Variants in CYGB observed in about 807,000 individuals in gnomAD.
The protein encoded by CYGB is histoglobin.
In CYGB, 13 loss-of-function variants were observed where a neutral mutation model predicts 20.7. The ratio of observed to expected loss-of-function variants is 0.63; its 90% confidence interval spans 0.41 to 1.00. The LOEUF is 1.00. CYGB is among the 50% of genes least tolerant of loss of function. CYGB has a pLI of 0.00. For missense variants in CYGB, 218 were observed against 257.2 expected, an observed-to-expected ratio of 0.85 and a Z score of 1.04; for synonymous variants, 93 against 107.4, an observed-to-expected ratio of 0.87 and a Z score of 0.83.
rs1018567320 is a variant in CYGB, at chr17:76,528,911, G to A, written c.540-300C>T. The A allele has an allele frequency of 1.8e-5, 21 of 1,185,950 alleles. No homozygotes were observed. Among genetic ancestry groups the A allele is most frequent in the East Asian group, 1.1e-4 (3 of 27,312 alleles). 73.5% of individuals were successfully genotyped at this position (1,185,950 alleles called of 1,614,324 possible). ...AAGTGTTTCACAAACTGCAAAGCAC[G>A]ATACCAATGTGAGCTCTTTTTCCAT... is the stretch of plus-strand genomic sequence containing the variant. On this transcript the variant is annotated intron_variant, in intron 3 of 3. Coordinates refer to ENST00000293230, the MANE Select transcript of CYGB (RefSeq NM_134268.5). The surrounding 1 kb of genome is among the most constrained non-coding windows in gnomAD (Gnocchi z 5.8).
Position 76,534,146 on chromosome 17 carries a change from TTCTCTCTCTCTC to T in CYGB, c.144-2467_144-2456del, listed in dbSNP as rs71158013. The stretch of plus-strand genomic sequence containing the variant: ...TCTTTCTTTCTCTCTCTCTTTCTCT[TTCTCTCTCTCTC>T]TCTCTCTCTCTCTCTCTCTTTCTTT... On this transcript the variant is annotated intron_variant, in intron 1 of 3. Coordinates refer to ENST00000293230, the MANE Select transcript of CYGB (RefSeq NM_134268.5). 3.9e-3 allele frequency among the ~76,000 whole-genome samples: 498 copies of T among 129,016 alleles called. 1 individual carries two copies. Among genetic ancestry groups the T allele is most frequent in the African/African-American group, 0.012 (428 of 36,884 alleles). 84.6% of individuals were successfully genotyped at this position (129,016 alleles called of 152,430 possible).
chr17:76,540,753 G>A (rs1435885845), upstream of CYGB, among the ~76,000 whole-genome samples: 1 of 152,240 alleles, frequency 6.6e-6, no homozygotes, highest in East Asian at 1.9e-4. This position sits in a 1 kb window ranked among gnomAD's most constrained non-coding sequence, Gnocchi z 5.0. Context: ...GTTTTCTGCG[G>A]TTGGGAATGG....
At position 76,549,026 on chromosome 17, in the gene CYGB, C is replaced by A. The variant is rs188123821; in HGVS notation, c.-53+1836G>T. 5.9e-5 allele frequency among the ~76,000 whole-genome samples: 9 copies of A among 152,260 alleles called. No homozygotes were observed. The East Asian group carries it at 1.7e-3, about 29-fold the overall frequency. The stretch of plus-strand genomic sequence containing the variant: ...GATTCATAAGGATATACACACAGAT[C>A]AATGGAATCCAAAAACAGATGCAGA... On this transcript the variant is annotated intron_variant, in intron 1 of 3. Transcript: ENST00000589145.
upstream of CYGB, chr17:76,540,099 C>T (rs763381044): frequency 6.4e-7 from 1 of 1,573,166 alleles, no homozygotes; most frequent in South Asian, 1.2e-5. The surrounding 1 kb of genome is among the most constrained non-coding windows in gnomAD (Gnocchi z 5.0). Flanking sequence ...TCGCCTGTGG[C>T]CTTCTGCAGA....
chr17:76,537,438 A>C lies in CYGB; in HGVS notation c.105T>G (p.Tyr35Ter). ...CCACCCCCACGTCCTCGCAGTTGGC[A>C]TAGAGCCGGGCCCACATAGCCTGCA... ...KAVQAMWARL[Y>*]ANCEDVGVAI... is the part of the protein sequence containing the mutation. Residue 35 changes from tyrosine to a stop codon, truncating the protein, a stop_gained, in exon 1 of 4, where the codon TAT (tyrosine) becomes TAG (stop). Transcript: ENST00000293230. LOFTEE classifies it high-confidence loss of function. The C allele has an allele frequency of 6.3e-7, 1 of 1,598,812 alleles. No homozygotes were observed. Among genetic ancestry groups the C allele is most frequent in the Admixed American group, 1.7e-5 (1 of 59,118 alleles).
At position 76,530,907 on chromosome 17, in the gene CYGB, T is replaced by C. The variant is rs1323710479; in HGVS notation, c.539+72A>G. ...TGATCAGCCCCAGGGCCTCAGGAGA[T>C]ATGGGAGACCTCGGGGACAGCAGAG... On this transcript the variant is annotated intron_variant, in intron 3 of 3. Coordinates refer to ENST00000293230, the MANE Select transcript of CYGB (RefSeq NM_134268.5). The surrounding 1 kb of genome is among the most constrained non-coding windows in gnomAD (Gnocchi z 6.1). 5 of 1,470,450 alleles carry C rather than the reference T, an allele frequency of 3.4e-6. No individual in the cohort carries two copies. The highest frequency in any genetic ancestry group is 4.5e-6 in the Non-Finnish European group (5 of 1,098,984). 91.1% of individuals were successfully genotyped at this position (1,470,450 alleles called of 1,614,324 possible). A position where few individuals can be genotyped will look rare whatever the true frequency, so the allele number is the denominator to read the frequency against.
chr17:76,534,585 C>T (rs955621358), intron 1 of CYGB, among the ~76,000 whole-genome samples: 2 of 152,232 alleles, frequency 1.3e-5, no homozygotes, highest in South Asian at 4.1e-4. Flanking sequence ...TCTCACGAAT[C>T]CTTGCAATTC....
chr17:76,540,421 GC>G (rs1415484502), upstream of CYGB: 49 of 1,467,588 alleles, frequency 3.3e-5, no homozygotes, highest in Middle Eastern at 3.5e-4. This position sits in a 1 kb window ranked among gnomAD's most constrained non-coding sequence, Gnocchi z 5.0. Flanking sequence ...TACTCCCATA[GC>G]CCAATGCGGC....
At chr17:76,536,917 T>C (rs1175657541) in intron 1 of CYGB, among the ~76,000 whole-genome samples, 2 of 152,152 alleles carry the variant, frequency 1.3e-5, no homozygotes, top group East Asian at 3.8e-4. Context: ...CAACCTCTGC[T>C]CTTTGCTCTC....
chr17:76,538,774 C>T (rs1479154304), upstream of CYGB, among the ~76,000 whole-genome samples: 1 of 152,238 alleles, frequency 6.6e-6, no homozygotes, highest in South Asian at 2.1e-4. Context: ...AGCGGCTGCT[C>T]AGTCCTGGGG....
At position 76,549,583 on chromosome 17, in the gene CYGB, C is replaced by T. The variant is rs192661634; in HGVS notation, c.-53+1279G>A. Among the ~76,000 whole-genome samples the T allele has an allele frequency of 1.1e-3, 171 of 152,310 alleles. 1 individual carries two copies. Among genetic ancestry groups the T allele is most frequent in the African/African-American group, 3.9e-3 (161 of 41,576 alleles). On this transcript the variant is annotated intron_variant, in intron 1 of 3. Transcript: ENST00000589145. Reference sequence around the variant, plus strand: ...ATGGTGGTTCCTTATAAAGTTATCCCAGAGGAATGAAAACTTACATCCACA... The same window carrying T: ...ATGGTGGTTCCTTATAAAGTTATCCTAGAGGAATGAAAACTTACATCCACA...
In CYGB at chr17:76,533,555, C is replaced by G. The variant is rs1420558057; in HGVS notation, c.144-1864G>C. Among the ~76,000 whole-genome samples, 1 of 150,812 alleles carries G rather than the reference C, an allele frequency of 6.6e-6. No homozygotes were observed. Among genetic ancestry groups the G allele is most frequent in the Non-Finnish European group, 1.5e-5 (1 of 67,726 alleles). ...GCCTGGGCAATGTGGCAAACCCTGTCTCTACAAAATACAAAAAATTAGCCA... is the reference window on the plus strand; with the variant it reads ...GCCTGGGCAATGTGGCAAACCCTGTGTCTACAAAATACAAAAAATTAGCCA... On this transcript the variant is annotated intron_variant, in intron 1 of 3. Transcript: ENST00000293230. This position sits in a 1 kb window ranked among gnomAD's most constrained non-coding sequence, Gnocchi z 4.5.
chr17:76,537,839 T>G (rs1348292209), upstream of CYGB: 1 of 151,596 alleles, frequency 6.6e-6, no homozygotes, highest in Non-Finnish European at 1.5e-5. Context: ...CCCGTGTGGG[T>G]AAGAGCCAAT....
chr17:76,538,520 C>T (rs2074950095), upstream of CYGB: 2 of 466,146 alleles, frequency 4.3e-6, no homozygotes, highest in South Asian at 1.6e-5. Flanking sequence ...AAGAACCAGC[C>T]GCTGCCCTGA....
At chr17:76,549,955 GTTT>G (rs1555625615) in intron 1 of CYGB, 1 of 150,636 alleles carries the variant, frequency 6.6e-6, no homozygotes, top group Non-Finnish European at 1.5e-5. Context: ...TTTTTTGTTT[GTTT>G]TTTTTTCTTT....
At chr17:76,550,599 C>T (rs2075100679) in intron 1 of CYGB, 1 of 152,214 alleles carries the variant, frequency 6.6e-6, no homozygotes, top group African/African-American at 2.4e-5. Context: ...TGTTCTAAAT[C>T]TTAACTGGGA....
chr17:76,539,955 T>C (rs2074965924), upstream of CYGB: 3 of 625,494 alleles, frequency 4.8e-6, no homozygotes, highest in Non-Finnish European at 8.5e-6. Context: ...CTGGGCCCAG[T>C]GAGCTTAATC....
At chr17:76,540,193 C>T (rs527451635), upstream of CYGB, 12 of 1,578,750 alleles carry the variant, frequency 7.6e-6, no homozygotes, top group African/African-American at 2.8e-5. The surrounding 1 kb of genome is among the most constrained non-coding windows in gnomAD (Gnocchi z 5.0). Flanking sequence ...CTGGCGCCGC[C>T]GATTTGCCAA....
At chr17:76,542,010 C>T (rs531174702), upstream of CYGB, among the ~76,000 whole-genome samples, 30 of 152,212 alleles carry the variant, frequency 2.0e-4, no homozygotes, top group South Asian at 5.0e-3. Flanking sequence ...TTAAGTCACT[C>T]GGGAGGCTCA....
Sources: gnomAD v4.1 joint callset for allele counts (sites outside exome capture counted in the v4.1 genomes callset) on GRCh38, gnomAD v4.1.1 for gene constraint, Gnocchi (gnomAD v3.1) non-coding constraint, MANE v1.5 for transcripts, NCBI Gene and HGNC (gene_info 2026-07-23, HGNC 2026-07-21) for gene names.